MAST4: variants seen among roughly 807,000 people sequenced by gnomAD.
MAST4 encodes microtubule associated serine/threonine kinase family member 4.
MAST4 carries 89 observed loss-of-function variants against 162.7 expected under a neutral mutation model. The ratio of observed to expected loss-of-function variants is 0.55; its 90% CI spans 0.46 to 0.65. The LOEUF (loss-of-function observed/expected upper bound fraction) is 0.65, where lower values mean the gene tolerates loss of function less well. MAST4 is among the 30% of genes least tolerant of loss of function. The pLI is 0.00. For synonymous variants in MAST4, 1,479 were observed against 1,361.1 expected, an observed-to-expected ratio of 1.09 and a Z score of -1.91; for missense variants, 3,153 against 3,374.0, an observed-to-expected ratio of 0.93 and a Z score of 1.62.
chr5:66,774,978 C>T (rs920144120), intron 2 of MAST4, among the ~76,000 whole-genome samples: 6 of 148,492 alleles, frequency 4.0e-5, no homozygotes, highest in South Asian at 2.2e-4. Flanking sequence ...CATAGACATT[C>T]GTTCAATATC....
chr5:66,725,078 T>TTAAAGAAAA (rs1751428774), intron 1 of MAST4, among the ~76,000 whole-genome samples: 1 of 151,750 alleles, frequency 6.6e-6, no homozygotes, highest in Admixed American at 6.6e-5. Context: ...GTGTTTCTGG[T>TTAAAGAAAA]CATATGATTT....
At position 67,100,451 on chromosome 5, in the gene MAST4, A is replaced by C; in HGVS notation, c.929A>C (p.Gln310Pro). The C allele has an allele frequency of 6.2e-7, 1 of 1,613,814 alleles. No homozygotes were observed. The highest frequency in any genetic ancestry group is 8.5e-7 in the Non-Finnish European group (1 of 1,179,832). ...SSTVSSSCSS[Q>P]EKLHQLPYQP... ...TTTTTTCAGTCATCCTGTTCCTCCC[A>C]GGAGAAGTTGCATCAGTTACCATAC... is the stretch of plus-strand genomic sequence containing the variant. The change falls in exon 8 of 29, where the codon CAG (glutamine) becomes CCG (proline). Residue 310 changes from glutamine (Q) to proline (P), a missense_variant. This residue lies in a region of MAST4 where 360 missense variants were observed against 450.0 expected (regional missense o/e 0.80). Coordinates refer to ENST00000403625, the MANE Select transcript of MAST4 (RefSeq NM_001164664.2).
At chr5:66,995,624 A>G (rs188194379) in intron 4 of MAST4, among the ~76,000 whole-genome samples, 60 of 152,266 alleles carry the variant, frequency 3.9e-4, no homozygotes, top group African/African-American at 1.3e-3. Flanking sequence ...GATGGTCTCA[A>G]TCTCTTGACC....
chr5:67,091,268 G>T (rs1339547022), intron 6 of MAST4, among the ~76,000 whole-genome samples: 1 of 152,178 alleles, frequency 6.6e-6, no homozygotes, highest in Non-Finnish European at 1.5e-5. Context: ...AGAGTTCTGT[G>T]TAATTAAGAT....
chr5:67,101,784 T>G (rs375664887), intron 8 of MAST4, among the ~76,000 whole-genome samples: 22 of 152,002 alleles, frequency 1.4e-4, no homozygotes, highest in Non-Finnish European at 2.5e-4. Context: ...CTATTTCATC[T>G]ACAGGCACCA....
chr5:67,089,013 A>C (rs1167812857), intron 5 of MAST4, among the ~76,000 whole-genome samples: 1 of 152,236 alleles, frequency 6.6e-6, no homozygotes, highest in African/African-American at 2.4e-5. Context: ...ACAGCCATGT[A>C]CTGACTTTGA....
chr5:66,905,468 A>G (rs1763295907), intron 4 of MAST4, among the ~76,000 whole-genome samples: 1 of 152,152 alleles, frequency 6.6e-6, no homozygotes, highest in South Asian at 2.1e-4. Context: ...GGTTTTGCTT[A>G]TTTTAATTAA....
intron 4 of MAST4, among the ~76,000 whole-genome samples, chr5:67,005,883 T>G (rs1751965512): frequency 6.6e-6 from 1 of 152,228 alleles, no homozygotes; most frequent in African/African-American, 2.4e-5. Context: ...TTTGTTTTCC[T>G]TCAAAACTTG....
chr5:66,972,170 AT>A (rs1375791367), intron 4 of MAST4, among the ~76,000 whole-genome samples: 1 of 152,230 alleles, frequency 6.6e-6, no homozygotes, highest in African/African-American at 2.4e-5. Flanking sequence ...AAAATGAACT[AT>A]AAAACCTGAC....
intron 4 of MAST4, among the ~76,000 whole-genome samples, chr5:66,996,899 T>A (rs971383235): frequency 1.3e-5 from 2 of 152,226 alleles, no homozygotes; most frequent in African/African-American, 4.8e-5. Context: ...GTTCCAGAGA[T>A]TAGAACCTGG....
At chr5:66,819,745 A>G (rs1306785418) in intron 3 of MAST4, among the ~76,000 whole-genome samples, 1 of 147,048 alleles carries the variant, frequency 6.8e-6, no homozygotes, top group Non-Finnish European at 1.5e-5. Context: ...AGTGCATTTA[A>G]CCTAGAACTT....
intron 3 of MAST4, among the ~76,000 whole-genome samples, chr5:66,857,479 C>T (rs1451100306): frequency 6.6e-6 from 1 of 152,188 alleles, no homozygotes; most frequent in Non-Finnish European, 1.5e-5. Context: ...ATGGATATTG[C>T]AGTAAACTTG....
chr5:66,643,521 G>C (rs1043250617), intron 1 of MAST4, among the ~76,000 whole-genome samples: 1 of 152,178 alleles, frequency 6.6e-6, no homozygotes, highest in Non-Finnish European at 1.5e-5. Context: ...ATTTTAGTGA[G>C]AGTGTTTTTC....
chr5:66,610,366 G>T (rs913313962), intron 1 of MAST4, among the ~76,000 whole-genome samples: 3 of 152,190 alleles, frequency 2.0e-5, no homozygotes, highest in African/African-American at 7.2e-5. Context: ...TCAGTTTCTA[G>T]ATCAGCCTAC....
At chr5:67,162,137 G>A (rs1331348288) in intron 27 of MAST4, among the ~76,000 whole-genome samples, 1 of 152,172 alleles carries the variant, frequency 6.6e-6, no homozygotes, top group African/African-American at 2.4e-5. Flanking sequence ...AATGGAATAA[G>A]CACAGCAAAT....
intron 1 of MAST4, chr5:66,662,344 A>G (rs1746970385): frequency 6.6e-6 from 1 of 152,200 alleles, no homozygotes; most frequent in African/African-American, 2.4e-5. Context: ...ACAGTCTTCC[A>G]TTTCAGAGAG....
chr5:66,851,470 A>G (rs549710571), intron 3 of MAST4, among the ~76,000 whole-genome samples: 2 of 152,356 alleles, frequency 1.3e-5, no homozygotes, highest in East Asian at 1.9e-4. Context: ...GGCAAGAACC[A>G]TAAGGATGCC....
intron 14 of MAST4, among the ~76,000 whole-genome samples, chr5:67,124,177 C>T (rs934534610): frequency 8.5e-5 from 13 of 152,174 alleles, no homozygotes; most frequent in Non-Finnish European, 1.3e-4. Flanking sequence ...TCTTTGGTTA[C>T]GTCTTCCCTG....
At chr5:66,687,666 A>G (rs1230572645) in intron 1 of MAST4, among the ~76,000 whole-genome samples, 1 of 148,122 alleles carries the variant, frequency 6.8e-6, no homozygotes. Flanking sequence ...CTATCTATCT[A>G]TCTATCTATC....
Sources: gnomAD v4.1 joint callset for allele counts (sites outside exome capture counted in the v4.1 genomes callset) on GRCh38, gnomAD v4.1.1 for gene constraint, gnomAD v4.1.1 regional missense constraint, MANE v1.5 for transcripts, NCBI Gene and HGNC (gene_info 2026-07-23, HGNC 2026-07-21) for gene names.